The following DCLK2 variants were observed in gnomAD, a reference collection of about 807,000 sequenced individuals.
DCLK2 encodes the protein doublecortin like kinase 2.
Under a neutral mutation model 78.4 loss-of-function variants are expected in DCLK2, and 31 were observed. The ratio of observed to expected loss-of-function variants is 0.40; its 90% confidence interval spans 0.30 to 0.53. The LOEUF (loss-of-function observed/expected upper bound fraction) is 0.53. Among genes scored for constraint, DCLK2 ranks in the 20% least tolerant of loss-of-function variants. The probability of loss-of-function intolerance (pLI) is 0.61; values close to 1 mark genes in which losing one functional copy is unlikely to be tolerated. For missense variants in DCLK2, 872 were observed against 973.7 expected, an observed-to-expected ratio of 0.90 and a Z score of 1.39; for synonymous variants, 407 against 374.9, an observed-to-expected ratio of 1.09 and a Z score of -0.99.
At chr4:150,194,794 G>A (rs1738741031) in intron 3 of DCLK2, among the ~76,000 whole-genome samples, 1 of 151,970 alleles carries the variant, frequency 6.6e-6, no homozygotes, top group Non-Finnish European at 1.5e-5. Flanking sequence ...GACAGTCCAG[G>A]ATTAGAGAAC....
At chr4:150,150,894 C>A (rs2150228519) in intron 2 of DCLK2, among the ~76,000 whole-genome samples, 1 of 152,332 alleles carries the variant, frequency 6.6e-6, no homozygotes, top group South Asian at 2.1e-4. Flanking sequence ...ACTGAAAAGC[C>A]TGGACAGGCT....
chr4:150,104,233 G>T (rs1388716151), intron 2 of DCLK2, among the ~76,000 whole-genome samples: 1 of 151,304 alleles, frequency 6.6e-6, no homozygotes, highest in African/African-American at 2.4e-5. Flanking sequence ...TGAAATAAAA[G>T]AAGTTGTGGT....
intron 8 of DCLK2, among the ~76,000 whole-genome samples, chr4:150,230,749 A>G (rs1258974020): frequency 1.3e-5 from 2 of 152,312 alleles, no homozygotes; most frequent in Admixed American, 6.5e-5. Flanking sequence ...GCTGCTTCCC[A>G]AGGGAGGAAA....
chr4:150,107,499 C>T (rs1489360040), intron 2 of DCLK2, among the ~76,000 whole-genome samples: 2 of 150,004 alleles, frequency 1.3e-5, no homozygotes, highest in African/African-American at 4.9e-5. Flanking sequence ...ACTTCAAGTT[C>T]CTGAGTAGCT....
chr4:150,096,245 G>T lies in DCLK2; in HGVS notation c.422-6233G>T, dbSNP rs150369247. Among the ~76,000 whole-genome samples, 3 of 152,310 alleles carry T rather than the reference G, an allele frequency of 2.0e-5. No homozygotes were observed. The East Asian group carries it at 5.8e-4, about 29-fold the overall frequency. ...AAGAAGGAAGCTTGGTTTTTGCTTA[G>T]ATGACTGAACAGTGGTTATTCCGTT... On this transcript the variant is annotated intron_variant, in intron 1 of 15. Transcript: ENST00000296550.
intron 2 of DCLK2, among the ~76,000 whole-genome samples, chr4:150,135,555 G>A (rs1733630661): frequency 6.6e-6 from 1 of 152,202 alleles, no homozygotes; most frequent in African/African-American, 2.4e-5. Context: ...TACAACGTGT[G>A]ATAGGTGTTG....
intron 5 of DCLK2, among the ~76,000 whole-genome samples, chr4:150,214,696 T>C (rs950240942): frequency 1.3e-5 from 2 of 152,100 alleles, no homozygotes; most frequent in Non-Finnish European, 2.9e-5. Flanking sequence ...GCACGATGGC[T>C]CACACCTGTA....
chr4:150,168,966 A>G (rs1736304620), intron 2 of DCLK2, among the ~76,000 whole-genome samples: 1 of 152,132 alleles, frequency 6.6e-6, no homozygotes, highest in South Asian at 2.1e-4. Flanking sequence ...TGAGCAGTCC[A>G]TCCTAGGGCT....
intron 5 of DCLK2, among the ~76,000 whole-genome samples, chr4:150,210,775 C>T (rs906330834): frequency 6.6e-6 from 1 of 151,774 alleles, no homozygotes. Context: ...TGGTGAAACC[C>T]TATCTCTACT....
intron 15 of DCLK2, chr4:150,253,293 G>A (rs776838048): frequency 1.9e-5 from 12 of 627,158 alleles, no homozygotes; most frequent in African/African-American, 7.4e-5. Flanking sequence ...AGTGTCAACC[G>A]TCTGGAGGTT....
intron 2 of DCLK2, among the ~76,000 whole-genome samples, chr4:150,191,436 G>A (rs1738444420): frequency 6.6e-6 from 1 of 152,086 alleles, no homozygotes; most frequent in South Asian, 2.1e-4. Flanking sequence ...AGGTAAGAGA[G>A]AAGGAACCAA....
intron 2 of DCLK2, among the ~76,000 whole-genome samples, chr4:150,181,249 G>C (rs942942019): frequency 2.6e-5 from 4 of 152,110 alleles, no homozygotes; most frequent in African/African-American, 9.7e-5. Flanking sequence ...CTTACGATGG[G>C]GAAGAAAGGG....
chr4:150,082,191 G>T (rs928732509), intron 1 of DCLK2, among the ~76,000 whole-genome samples: 3 of 152,064 alleles, frequency 2.0e-5, no homozygotes, highest in Non-Finnish European at 4.4e-5. Context: ...TCACCACATT[G>T]TCAAAATTGA....
chr4:150,086,663 C>T (rs113221236), intron 1 of DCLK2, among the ~76,000 whole-genome samples: 7,162 of 152,076 alleles, frequency 0.047, 520 homozygotes, highest in African/African-American at 0.16. Flanking sequence ...CCCACCACCA[C>T]GCCCTGCTAA....
intron 12 of DCLK2, 42 bp downstream of exon 12, chr4:150,240,518 C>T: frequency 6.4e-7 from 1 of 1,565,538 alleles, no homozygotes; most frequent in Non-Finnish European, 8.7e-7. Context: ...TGCAAATGTT[C>T]TCCCTTGGGT....
intron 1 of DCLK2, among the ~76,000 whole-genome samples, chr4:150,081,519 AT>A (rs5862902): frequency 0.15 from 22,073 of 152,000 alleles, 1,991 homozygotes; most frequent in Non-Finnish European, 0.21. Flanking sequence ...CACAGCCAAA[AT>A]TTTTTTTATG....
rs545479404 is a variant in DCLK2 at position 150,089,008 on chromosome 4, G to A, written c.421+9560G>A. Reference sequence around the variant, plus strand: ...TGTTTTGCTTTGTTGCTTATTCTCCGTTCTGTGGTGTAAAGATACTGTTGA... The same window carrying A: ...TGTTTTGCTTTGTTGCTTATTCTCCATTCTGTGGTGTAAAGATACTGTTGA... On this transcript the variant is annotated intron_variant, in intron 1 of 15. Coordinates refer to ENST00000296550, the MANE Select transcript of DCLK2 (RefSeq NM_001040260.4). 1.6e-4 allele frequency among the ~76,000 whole-genome samples: 25 copies of A among 152,230 alleles called. No homozygotes were observed. In the South Asian group the frequency reaches 2.3e-3, roughly 14 times the overall value.
intron 2 of DCLK2, among the ~76,000 whole-genome samples, chr4:150,190,026 C>A (rs1296140825): frequency 7.8e-5 from 2 of 25,790 alleles, no homozygotes; most frequent in African/African-American, 1.1e-4. Flanking sequence ...CATAGGGAGA[C>A]CCTGTCTCAA....
chr4:150,179,647 G>A (rs966559280), intron 2 of DCLK2, among the ~76,000 whole-genome samples: 38 of 152,000 alleles, frequency 2.5e-4, no homozygotes, highest in African/African-American at 8.5e-4. Flanking sequence ...TGCAGGTTTT[G>A]CATTGATTTA....
Sources: allele counts gnomAD v4.1 joint callset (sites outside exome capture counted in the v4.1 genomes callset), GRCh38; gene constraint gnomAD v4.1.1; transcripts MANE v1.5; gene names NCBI Gene and HGNC (gene_info 2026-07-23, HGNC 2026-07-21).